The following DPYD variants were observed in gnomAD, a reference collection of about 807,000 sequenced individuals.
DPYD encodes dihydropyrimidine dehydrogenase.
A neutral mutation model predicts 116.2 loss-of-function variants in DPYD; 109 were observed. The observed-to-expected ratio is 0.94, with a 90% CI of 0.80 to 1.10. DPYD has a LOEUF of 1.10. Among genes scored for constraint, DPYD ranks in the 50% least tolerant of loss-of-function variants. DPYD has a pLI of 0.00. For synonymous variants in DPYD, 440 were observed against 432.0 expected (o/e 1.02, Z -0.23); for missense variants, 1,302 against 1,254.5 (o/e 1.04, Z -0.57).
intron 16 of DPYD, among the ~76,000 whole-genome samples, chr1:97,309,341 G>GTGTT (rs1553252334): frequency 3.3e-5 from 5 of 150,916 alleles, no homozygotes; most frequent in Non-Finnish European, 5.9e-5. Context: ...TTGTGTGTGT[G>GTGTT]TGTGTGTGTG....
At chr1:97,478,230 C>T (rs1448879009) in intron 13 of DPYD, among the ~76,000 whole-genome samples, 1 of 152,170 alleles carries the variant, frequency 6.6e-6, no homozygotes, top group Non-Finnish European at 1.5e-5. Context: ...GTCATCCAAA[C>T]TTCATTCTTC....
intron 3 of DPYD, among the ~76,000 whole-genome samples, chr1:97,772,834 T>G (rs1475402194): frequency 2.6e-5 from 4 of 152,166 alleles, no homozygotes; most frequent in African/African-American, 9.7e-5. Context: ...AAAAGTAAAC[T>G]TACAAAGAAT....
At chr1:97,877,545 C>G (rs994855726) in intron 2 of DPYD, among the ~76,000 whole-genome samples, 1 of 151,984 alleles carries the variant, frequency 6.6e-6, no homozygotes, top group African/African-American at 2.4e-5. Flanking sequence ...TTTTCACATA[C>G]TGAAAGAGGT....
At chr1:97,363,331 G>A (rs929866970) in intron 16 of DPYD, among the ~76,000 whole-genome samples, 3 of 152,168 alleles carry the variant, frequency 2.0e-5, no homozygotes, top group African/African-American at 7.2e-5. Context: ...TGGAGGAATA[G>A]GAATGCCTTT....
chr1:97,283,139 T>G (rs1481078807), intron 18 of DPYD, among the ~76,000 whole-genome samples: 1 of 152,130 alleles, frequency 6.6e-6, no homozygotes, highest in African/African-American at 2.4e-5. Context: ...AGTCTACTAT[T>G]TATTTTGATA....
intron 16 of DPYD, among the ~76,000 whole-genome samples, chr1:97,333,677 C>T (rs563269453): frequency 7.3e-5 from 11 of 151,480 alleles, no homozygotes; most frequent in Middle Eastern, 3.4e-3. Flanking sequence ...CCTGCCACCA[C>T]GCCTGGCTAA....
At chr1:97,440,788 C>T (rs1040996318) in intron 14 of DPYD, among the ~76,000 whole-genome samples, 2 of 152,124 alleles carry the variant, frequency 1.3e-5, no homozygotes, top group African/African-American at 4.8e-5. Context: ...CATGTAGTTA[C>T]AATTCTGGTG....
intron 18 of DPYD, among the ~76,000 whole-genome samples, chr1:97,280,868 A>G (rs1665277948): frequency 6.6e-6 from 1 of 152,288 alleles, no homozygotes; most frequent in East Asian, 1.9e-4. Context: ...GTATATCTCA[A>G]GATACCTCGA....
chr1:97,464,279 AAAAT>A (rs1170747892), intron 13 of DPYD, among the ~76,000 whole-genome samples: 2 of 128,820 alleles, frequency 1.6e-5, no homozygotes, highest in African/African-American at 2.8e-5. Flanking sequence ...AAAATAAAAT[AAAAT>A]AAAGAAAAGA....
intron 11 of DPYD, among the ~76,000 whole-genome samples, chr1:97,554,796 A>G (rs1427010740): frequency 2.6e-5 from 4 of 152,042 alleles, no homozygotes; most frequent in East Asian, 1.9e-4. Flanking sequence ...GCTCTCCACA[A>G]TGAAGATTCA....
intron 2 of DPYD, among the ~76,000 whole-genome samples, chr1:97,831,435 T>C (rs1000826823): frequency 3.3e-5 from 5 of 152,212 alleles, no homozygotes; most frequent in African/African-American, 9.6e-5. Flanking sequence ...GCCCACTTTA[T>C]ATGAACATGG....
At chr1:97,233,356 CT>C (rs1553238697) in intron 19 of DPYD, among the ~76,000 whole-genome samples, 1 of 152,154 alleles carries the variant, frequency 6.6e-6, no homozygotes, top group Non-Finnish European at 1.5e-5. Context: ...TCTACTACTA[CT>C]GCAGAAGGGG....
At chr1:97,546,748 G>T (rs1324787290) in intron 12 of DPYD, 1 of 1,613,000 alleles carries the variant, frequency 6.2e-7, no homozygotes, top group African/African-American at 1.3e-5. Context: ...AGGCAAGCCT[G>T]GAAATTATCA....
intron 13 of DPYD, among the ~76,000 whole-genome samples, chr1:97,502,942 A>G (rs533272859): frequency 3.3e-5 from 5 of 152,170 alleles, no homozygotes; most frequent in Admixed American, 1.3e-4. Flanking sequence ...GGAAGTTTAG[A>G]TAAGTTAACT....
chr1:97,705,397 C>T (rs1211523091), intron 5 of DPYD, among the ~76,000 whole-genome samples: 1 of 151,914 alleles, frequency 6.6e-6, no homozygotes, highest in East Asian at 1.9e-4. Context: ...GTTTTTTTGT[C>T]CTTGCGATAG....
chr1:97,335,945 C>T (rs774395503), intron 16 of DPYD, among the ~76,000 whole-genome samples: 16 of 152,134 alleles, frequency 1.1e-4, no homozygotes, highest in Non-Finnish European at 1.3e-4. Flanking sequence ...TTCCTTTGCC[C>T]AGTGTTTCGT....
rs550078641 is a variant in DPYD at position 97,920,997 on chromosome 1, T to A, written c.-75A>T. The stretch of plus-strand genomic sequence containing the variant: ...CTCAAGCTCCAGCCAGAGAGCCAAG[T>A]GACAGCAGCCGGAGCGCGAGTCGAA... On this transcript the variant is annotated 5_prime_UTR_variant, in exon 1 of 23. Coordinates refer to ENST00000370192, the MANE Select transcript of DPYD (RefSeq NM_000110.4). The A allele has an allele frequency of 1.3e-6, 2 of 1,535,594 alleles. No homozygotes were observed. The highest frequency in any genetic ancestry group is 1.4e-5 in the African/African-American group (1 of 72,522).
At chr1:97,413,934 T>C (rs1402601363) in intron 14 of DPYD, among the ~76,000 whole-genome samples, 2 of 152,052 alleles carry the variant, frequency 1.3e-5, no homozygotes, top group Non-Finnish European at 2.9e-5. Context: ...CACAACATAC[T>C]CACACCAAAT....
chr1:97,472,230 C>T (rs1343127977), intron 13 of DPYD, among the ~76,000 whole-genome samples: 2 of 152,204 alleles, frequency 1.3e-5, no homozygotes, highest in African/African-American at 4.8e-5. Flanking sequence ...AATTGCCAGT[C>T]TCTGAAGAGT....
Sources: allele counts gnomAD v4.1 joint callset (sites outside exome capture counted in the v4.1 genomes callset), GRCh38; gene constraint gnomAD v4.1.1; transcripts MANE v1.5; gene names NCBI Gene and HGNC (gene_info 2026-07-23, HGNC 2026-07-21).